TMEM176B: variants seen among roughly 807,000 people sequenced by gnomAD.
TMEM176B encodes LR8-like protein.
In TMEM176B, 28 loss-of-function variants were observed where a neutral mutation model predicts 30.3. That is an observed-to-expected ratio of 0.92 (90% CI 0.68 to 1.27). The LOEUF is 1.27. Ranked by LOEUF, TMEM176B falls within the 50% of genes most tolerant of loss-of-function variation. The pLI, the probability that TMEM176B is intolerant of heterozygous loss-of-function variation, is 0.00. For synonymous variants in TMEM176B, 123 were observed against 130.3 expected (o/e 0.94, Z 0.38); for missense variants, 349 against 327.4 (o/e 1.07, Z -0.51).
upstream of TMEM176B, chr7:150,800,824 C>A (rs1368905410): frequency 1.3e-5 from 9 of 697,208 alleles, no homozygotes; most frequent in Non-Finnish European, 1.4e-5. Flanking sequence ...TCCCGAGGAG[C>A]GCAGGTGAGG....
At chr7:150,800,641 A>C (rs1396644979), upstream of TMEM176B, 1 of 152,694 alleles carries the variant, frequency 6.5e-6, no homozygotes, top group Non-Finnish European at 1.5e-5. Flanking sequence ...CCCAGAGCCC[A>C]GTGACCCTCG....
upstream of TMEM176B, chr7:150,800,972 C>A (rs1034721722): frequency 3.0e-6 from 3 of 985,826 alleles, no homozygotes; most frequent in Non-Finnish European, 2.4e-6. Context: ...AAGCCAGGTG[C>A]GGCCCCGGCT....
chr7:150,796,883 G>C (rs1217660700), intron 1 of TMEM176B, among the ~76,000 whole-genome samples: 19 of 152,140 alleles, frequency 1.2e-4, no homozygotes, highest in Non-Finnish European at 1.5e-5. Flanking sequence ...CAACCTGGGA[G>C]GCTGAGGTTG....
chr7:150,793,016 C>T (rs1350231553), intron 5 of TMEM176B, 72 bp downstream of exon 5: 9 of 1,485,620 alleles, frequency 6.1e-6, no homozygotes, highest in East Asian at 2.3e-5. Flanking sequence ...CATCTCTGTC[C>T]TCCAGGGCCC....
At chr7:150,798,855 T>C (rs977806140) in intron 1 of TMEM176B, among the ~76,000 whole-genome samples, 9 of 152,218 alleles carry the variant, frequency 5.9e-5, no homozygotes, top group Admixed American at 2.6e-4. Context: ...GGAAGTTCTT[T>C]ATCTATTCAC....
chr7:150,799,877 C>A (rs2116719780), intron 1 of TMEM176B: 1 of 152,616 alleles, frequency 6.6e-6, no homozygotes, highest in Non-Finnish European at 1.5e-5. Context: ...GATTCCCCTG[C>A]GGGCCGCCCG....
chr7:150,798,105 G>A (rs1798595857), intron 1 of TMEM176B, among the ~76,000 whole-genome samples: 1 of 152,038 alleles, frequency 6.6e-6, no homozygotes, highest in Non-Finnish European at 1.5e-5. Flanking sequence ...ACACATTTGT[G>A]CAATTACAGC....
At chr7:150,793,662 C>T (rs1395832284) in intron 3 of TMEM176B, 62 bp from the exon 4 acceptor site, 57 of 1,557,976 alleles carry the variant, frequency 3.7e-5, no homozygotes, top group Non-Finnish European at 4.7e-5. Context: ...TATCATCACC[C>T]TCCCACCAGC....
Position 150,791,502 on chromosome 7 carries a change from T to C in TMEM176B, c.*29A>G, listed in dbSNP as rs1197489819. The C allele has an allele frequency of 5.6e-6, 9 of 1,600,304 alleles. No individual in the cohort carries two copies. Among genetic ancestry groups the C allele is most frequent in the African/African-American group, 2.7e-5 (2 of 74,382 alleles). ...CCCTGGGCTGCCCTAGACAGGGACA[T>C]GCGGGCACCCCGTGGGGTCTTTGGC... On this transcript the variant is annotated 3_prime_UTR_variant, in exon 7 of 7. Transcript: ENST00000326442.
At position 150,794,035 on chromosome 7, in the gene TMEM176B, G is replaced by C. The variant is rs1186753826; in HGVS notation, c.241C>G (p.Leu81Val). Residue 81 changes from leucine to valine, a missense_variant, in exon 3 of 7, where the codon CTT becomes GTT. Coordinates refer to ENST00000326442, the MANE Select transcript of TMEM176B (RefSeq NM_001101312.2). ...GGCCCCAAGCTGAGACACACTCCAA[G>C]AACACAACTCACAACCCCCAGCAAT... ...QILLGVVSCV[L>V]GVCLSLGPWT... The C allele has an allele frequency of 6.2e-7, 1 of 1,613,834 alleles. No individual in the cohort carries two copies. Among genetic ancestry groups the C allele is most frequent in the African/African-American group, 1.3e-5 (1 of 74,910 alleles).
At chr7:150,793,046 G>A in intron 5 of TMEM176B, 42 bp downstream of exon 5, 1 of 1,602,356 alleles carries the variant, frequency 6.2e-7, no homozygotes, top group Non-Finnish European at 8.5e-7. Context: ...TGGGAAAAAA[G>A]AGCTGTGATG....
At position 150,793,326 on chromosome 7, in the gene TMEM176B, A is replaced by C; in HGVS notation, c.373-11T>G. On this transcript the variant is annotated splice_polypyrimidine_tract_variant and intron_variant, in intron 4 of 6. Transcript: ENST00000326442. ...GCTGGATATATAGCCCTGGAAGAGA[A>C]AGAGGGTCATGACACACGCTCCTTC... 2 of 1,612,292 alleles carry C rather than the reference A, an allele frequency of 1.2e-6. No homozygotes were observed. The highest frequency in any genetic ancestry group is 4.5e-5 in the East Asian group (2 of 44,840).
In TMEM176B at chr7:150,796,491, T is replaced by TGTGGAC; in HGVS notation, c.73_78dup (p.Val25_His26dup). ...TGTGTCAAAGCTGACTCCTGGTGGA[T>TGTGGAC]GTGGACGTTGACGTGGGTGGGCTGG... On this transcript the variant is annotated inframe_insertion, in exon 2 of 7. Coordinates refer to ENST00000326442, the MANE Select transcript of TMEM176B (RefSeq NM_001101312.2). The TGTGGAC allele has an allele frequency of 6.2e-7, 1 of 1,614,186 alleles. No homozygotes were observed. Among genetic ancestry groups the TGTGGAC allele is most frequent in the Non-Finnish European group, 8.5e-7 (1 of 1,180,032 alleles).
Position 150,791,554 on chromosome 7 carries a change from T to C in TMEM176B, c.790A>G (p.Thr264Ala), listed in dbSNP as rs778817546. The change falls in exon 7 of 7, where the codon ACC (threonine) becomes GCC (alanine). Residue 264 changes from threonine to alanine, a missense_variant. By Grantham distance (58) the Thr-to-Ala change is moderately conservative (BLOSUM62 0). Transcript: ENST00000326442. Reference sequence around the variant, plus strand: ...GCTCACAGGACAATGGCAGTGGAGGTCTGCTCCCTAGAGGGCGAAGGGGGC... The same window carrying C: ...GCTCACAGGACAATGGCAGTGGAGGCCTGCTCCCTAGAGGGCGAAGGGGGC... ...SVPPSPSREQ[T>A]STAIVL 5 of 1,612,322 alleles carry C rather than the reference T, an allele frequency of 3.1e-6. No individual in the cohort carries two copies. The East Asian group carries it at 8.9e-5, about 29-fold the overall frequency.
intron 2 of TMEM176B, among the ~76,000 whole-genome samples, chr7:150,794,942 CACACACCT>C (rs1348022225): frequency 2.6e-5 from 3 of 116,098 alleles, no homozygotes; most frequent in Non-Finnish European, 6.0e-5. Flanking sequence ...CACACACACA[CACACACCT>C]CTCGAATGGC....
chr7:150,797,482 A>C (rs942152451), intron 1 of TMEM176B, among the ~76,000 whole-genome samples: 2 of 152,232 alleles, frequency 1.3e-5, no homozygotes, highest in Non-Finnish European at 2.9e-5. Flanking sequence ...TTTTTAAAGG[A>C]AAAATGGGGA....
chr7:150,794,911 A>C (rs1397945753), intron 2 of TMEM176B, among the ~76,000 whole-genome samples: 2 of 23,368 alleles, frequency 8.6e-5, no homozygotes, highest in African/African-American at 1.8e-4. Flanking sequence ...CTACTACCAC[A>C]CACACACACA....
chr7:150,792,469 G>A (rs1391113356), intron 5 of TMEM176B, among the ~76,000 whole-genome samples: 1 of 152,202 alleles, frequency 6.6e-6, no homozygotes, highest in Non-Finnish European at 1.5e-5. Context: ...CCCTTAGCTG[G>A]TCTGGCAGCT....
chr7:150,798,443 T>C (rs958932035), intron 1 of TMEM176B, among the ~76,000 whole-genome samples: 22 of 152,086 alleles, frequency 1.4e-4, no homozygotes, highest in Non-Finnish European at 2.5e-4. Flanking sequence ...GCCCAGCTAA[T>C]TTTTTGTATT....
Sources: gnomAD v4.1 joint callset for allele counts (sites outside exome capture counted in the v4.1 genomes callset) on GRCh38, gnomAD v4.1.1 for gene constraint, MANE v1.5 for transcripts, NCBI Gene and HGNC (gene_info 2026-07-23, HGNC 2026-07-21) for gene names.